The following MRPS28 variants were observed in gnomAD, a reference collection of about 807,000 sequenced individuals.
The protein encoded by MRPS28 is mitochondrial ribosomal protein S28, also known as small ribosomal subunit protein bS1m.
Under a neutral mutation model 10.8 loss-of-function variants are expected in MRPS28, and 7 were observed. The ratio of observed to expected loss-of-function variants is 0.65; its 90% CI spans 0.37 to 1.22. MRPS28 has a LOEUF of 1.22. MRPS28 is among the 50% of genes most tolerant of loss of function. The pLI is 0.02. For synonymous variants in MRPS28, 121 were observed against 93.3 expected (o/e 1.30, Z -1.71); for missense variants, 265 against 232.9 (o/e 1.14, Z -0.90).
At chr8:80,003,218 A>C (rs1271791497) in intron 1 of MRPS28, 38 bp from the exon 2 acceptor site, 2 of 1,352,240 alleles carry the variant, frequency 1.5e-6, no homozygotes, top group Non-Finnish European at 2.0e-6. Flanking sequence ...CATATAACTC[A>C]ACATGAAGGT....
chr8:80,002,760 T>C (rs939311186), intron 2 of MRPS28, among the ~76,000 whole-genome samples: 1 of 152,252 alleles, frequency 6.6e-6, no homozygotes, highest in African/African-American at 2.4e-5. Flanking sequence ...AATGGCTTAT[T>C]ATCAGGATGA....
chr8:79,944,741 G>A (rs1235348887), intron 2 of MRPS28, among the ~76,000 whole-genome samples: 2 of 141,634 alleles, frequency 1.4e-5, no homozygotes, highest in Non-Finnish European at 3.0e-5. Context: ...TGTCACATAG[G>A]CTGGAGTGCA....
chr8:79,990,982 T>C (rs1339665157), intron 2 of MRPS28, among the ~76,000 whole-genome samples: 4 of 113,594 alleles, frequency 3.5e-5, no homozygotes, highest in East Asian at 2.8e-4. Flanking sequence ...AGAGCAAGAC[T>C]CCATCTCAAA....
chr8:79,958,216 G>C (rs945811984), intron 2 of MRPS28: 3 of 549,618 alleles, frequency 5.5e-6, no homozygotes, highest in Non-Finnish European at 9.5e-6. Flanking sequence ...TGTCTCTGTG[G>C]ATTTGTCTAT....
chr8:79,938,426 CT>C (rs11350416), intron 2 of MRPS28, among the ~76,000 whole-genome samples: 81,881 of 142,572 alleles, frequency 0.57, 25,419 homozygotes, highest in East Asian at 0.77. Flanking sequence ...GTGGGCTGTG[CT>C]TTTTTTTTTT....
intron 1 of MRPS28, among the ~76,000 whole-genome samples, chr8:80,018,295 C>CAAA (rs55883340): frequency 0.03 from 1,524 of 50,454 alleles, 55 homozygotes; most frequent in African/African-American, 0.046. Flanking sequence ...TACTCTGTCT[C>CAAA]AAAAAAAAAA....
At chr8:79,959,085 C>T (rs77868739) in intron 2 of MRPS28, among the ~76,000 whole-genome samples, 5,861 of 152,182 alleles carry the variant, frequency 0.039, 302 homozygotes, top group African/African-American at 0.11. Context: ...CCCTCTTTCA[C>T]AGTGTGAACT....
At chr8:80,014,796 A>T (rs1809152483) in intron 1 of MRPS28, among the ~76,000 whole-genome samples, 1 of 152,192 alleles carries the variant, frequency 6.6e-6, no homozygotes, top group African/African-American at 2.4e-5. Context: ...AGTATTTGTC[A>T]ACCAAGATGA....
intron 2 of MRPS28, among the ~76,000 whole-genome samples, chr8:79,961,424 A>G (rs1189011554): frequency 6.6e-6 from 1 of 152,132 alleles, no homozygotes; most frequent in Non-Finnish European, 1.5e-5. Flanking sequence ...GACCAAAATG[A>G]TAGGAATCAT....
At chr8:79,977,081 G>GA (rs1334912965) in intron 2 of MRPS28, among the ~76,000 whole-genome samples, 10 of 152,022 alleles carry the variant, frequency 6.6e-5, no homozygotes, top group African/African-American at 2.2e-4. Context: ...CCTTCATAAT[G>GA]AAAAAAATGC....
intron 2 of MRPS28, among the ~76,000 whole-genome samples, chr8:79,927,716 A>G (rs958784802): frequency 3.3e-5 from 5 of 152,220 alleles, no homozygotes; most frequent in Non-Finnish European, 4.4e-5. Context: ...CCTCAGTGGG[A>G]AGAACTACTT....
chr8:79,997,592 G>C (rs189178783), intron 2 of MRPS28, among the ~76,000 whole-genome samples: 117 of 151,354 alleles, frequency 7.7e-4, no homozygotes, highest in Non-Finnish European at 1.0e-3. Context: ...TCTCCTTTCT[G>C]ATTCAAGCAG....
intron 1 of MRPS28, among the ~76,000 whole-genome samples, chr8:80,011,875 C>T (rs531210048): frequency 1.3e-5 from 2 of 152,284 alleles, no homozygotes; most frequent in East Asian, 3.9e-4. Flanking sequence ...ATCACTAGGA[C>T]CTGTTCCTAA....
intron 1 of MRPS28, among the ~76,000 whole-genome samples, chr8:80,011,984 G>C (rs1404945529): frequency 4.6e-5 from 7 of 152,092 alleles, no homozygotes; most frequent in Admixed American, 2.6e-4. Context: ...AAATTATTGA[G>C]TGCTCTCAAC....
intron 2 of MRPS28, among the ~76,000 whole-genome samples, chr8:79,919,936 A>T (rs1382007259): frequency 2.0e-5 from 1 of 51,032 alleles, no homozygotes; most frequent in Non-Finnish European, 3.9e-5. Context: ...TCCTAATGCT[A>T]TCCCTCCCCC....
intron 2 of MRPS28, among the ~76,000 whole-genome samples, chr8:79,974,851 A>C (rs181011790): frequency 4.0e-4 from 61 of 152,338 alleles, no homozygotes; most frequent in Non-Finnish European, 7.5e-4. Flanking sequence ...AATACAAAAA[A>C]AAGTTTGTCT....
intron 2 of MRPS28, among the ~76,000 whole-genome samples, chr8:79,949,763 T>C (rs910642541): frequency 3.3e-5 from 5 of 151,088 alleles, no homozygotes; most frequent in Admixed American, 6.6e-5. Context: ...GAACACCAAG[T>C]CTCTGAAACA....
intron 1 of MRPS28, among the ~76,000 whole-genome samples, chr8:80,014,914 T>TG (rs898622156): frequency 6.6e-6 from 1 of 151,896 alleles, no homozygotes; most frequent in Non-Finnish European, 1.5e-5. Context: ...ATCTGAGAGG[T>TG]GGGGGTCACA....
intron 2 of MRPS28, among the ~76,000 whole-genome samples, chr8:79,947,192 A>C (rs1806941212): frequency 6.6e-6 from 1 of 152,190 alleles, no homozygotes; most frequent in Admixed American, 6.5e-5. Context: ...GGCAGTAACA[A>C]CAACAATGAA....
Sources: gnomAD v4.1 joint callset for allele counts (sites outside exome capture counted in the v4.1 genomes callset) on GRCh38, gnomAD v4.1.1 for gene constraint, MANE v1.5 for transcripts, NCBI Gene and HGNC (gene_info 2026-07-23, HGNC 2026-07-21) for gene names.